Variants in MNAT1 observed in about 807,000 individuals in gnomAD.
MNAT1 encodes the protein CDK-activating kinase assembly factor MAT1.
MNAT1 carries 43 observed loss-of-function variants against 42.0 expected under a neutral mutation model. The ratio of observed to expected loss-of-function variants is 1.02; its 90% CI spans 0.80 to 1.32. The LOEUF (loss-of-function observed/expected upper bound fraction) is 1.32. MNAT1 is among the 40% of genes most tolerant of loss of function. The pLI, the probability that MNAT1 is intolerant of heterozygous loss-of-function variation, is 0.00. For synonymous variants in MNAT1, 118 were observed against 120.0 expected, an observed-to-expected ratio of 0.98 and a Z score of 0.11; for missense variants, 306 against 350.4, an observed-to-expected ratio of 0.87 and a Z score of 1.01.
chr14:60,829,966 G>A (rs2033168515), intron 6 of MNAT1, among the ~76,000 whole-genome samples: 1 of 152,154 alleles, frequency 6.6e-6, no homozygotes, highest in Admixed American at 6.5e-5. Context: ...TGTTGGTGTT[G>A]CGGATATAGT....
intron 6 of MNAT1, among the ~76,000 whole-genome samples, chr14:60,843,344 C>T (rs1298199444): frequency 6.6e-6 from 1 of 152,082 alleles, no homozygotes; most frequent in Non-Finnish European, 1.5e-5. Flanking sequence ...GACCTCAGCT[C>T]ACTGCAAGCT....
chr14:60,749,145 A>G (rs2029961174), intron 1 of MNAT1, among the ~76,000 whole-genome samples: 1 of 152,208 alleles, frequency 6.6e-6, no homozygotes, highest in Non-Finnish European at 1.5e-5. Flanking sequence ...TGAATTTTGG[A>G]GGAAATCTAT....
intron 6 of MNAT1, among the ~76,000 whole-genome samples, chr14:60,849,605 G>GTAAA (rs1315816468): frequency 1.3e-5 from 2 of 152,254 alleles, no homozygotes; most frequent in Admixed American, 1.3e-4. Flanking sequence ...GAACTTGCAT[G>GTAAA]TAAATATGCA....
chr14:60,778,089 C>T (rs1246382009), intron 1 of MNAT1, among the ~76,000 whole-genome samples: 5 of 152,118 alleles, frequency 3.3e-5, no homozygotes, highest in African/African-American at 1.2e-4. Flanking sequence ...CTATTCAGCC[C>T]AGTTACTACT....
chr14:60,831,034 G>A (rs1469237136), intron 6 of MNAT1, among the ~76,000 whole-genome samples: 3 of 151,064 alleles, frequency 2.0e-5, no homozygotes, highest in Admixed American at 2.0e-4. Flanking sequence ...AGAGTGTCTG[G>A]CATCTTCTCC....
intron 7 of MNAT1, among the ~76,000 whole-genome samples, chr14:60,937,771 T>G (rs201896752): frequency 0.22 from 33,779 of 151,630 alleles, 4,048 homozygotes; most frequent in Middle Eastern, 0.31. Context: ...GTGAAGAAAG[T>G]CATTGGTAGC....
intron 7 of MNAT1, among the ~76,000 whole-genome samples, chr14:60,949,188 A>G (rs543261845): frequency 5.4e-4 from 83 of 152,320 alleles, no homozygotes; most frequent in African/African-American, 1.9e-3. Context: ...GGAACAAAAT[A>G]TATCAAGAAT....
intron 1 of MNAT1, among the ~76,000 whole-genome samples, chr14:60,779,241 A>T (rs2031359135): frequency 6.6e-6 from 1 of 152,236 alleles, no homozygotes; most frequent in South Asian, 2.1e-4. Context: ...CATTATTTTA[A>T]TAAATGTACA....
At chr14:60,830,882 C>A (rs1043195690) in intron 6 of MNAT1, among the ~76,000 whole-genome samples, 1 of 151,486 alleles carries the variant, frequency 6.6e-6, no homozygotes, top group Non-Finnish European at 1.5e-5. Flanking sequence ...AGTTTGAAAA[C>A]CAAGGATTAC....
chr14:60,766,003 T>A (rs1267227124), intron 1 of MNAT1, among the ~76,000 whole-genome samples: 1 of 152,186 alleles, frequency 6.6e-6, no homozygotes, highest in Admixed American at 6.5e-5. Context: ...AATTTCTCTT[T>A]TAAGTGATTT....
intron 7 of MNAT1, among the ~76,000 whole-genome samples, chr14:60,900,231 G>T (rs1408492709): frequency 1.3e-5 from 2 of 152,176 alleles, no homozygotes; most frequent in Non-Finnish European, 2.9e-5. Flanking sequence ...TAAGCTTAGT[G>T]AGCAAGATAT....
chr14:60,839,679 G>A (rs1403686966), intron 6 of MNAT1, among the ~76,000 whole-genome samples: 1 of 152,216 alleles, frequency 6.6e-6, no homozygotes, highest in East Asian at 1.9e-4. Flanking sequence ...GGGCTCTGTG[G>A]TTTCTGTTAT....
At chr14:60,753,911 C>T (rs1178909254) in intron 1 of MNAT1, 1 of 152,136 alleles carries the variant, frequency 6.6e-6, no homozygotes, top group Non-Finnish European at 1.5e-5. Context: ...AAGGCTAGGT[C>T]TTTAACAAAG....
chr14:60,847,248 C>G (rs2139411029), intron 6 of MNAT1, among the ~76,000 whole-genome samples: 1 of 151,994 alleles, frequency 6.6e-6, no homozygotes, highest in South Asian at 2.1e-4. Flanking sequence ...ACTAAAAATA[C>G]AAAAAATTAG....
intron 3 of MNAT1, among the ~76,000 whole-genome samples, chr14:60,807,637 C>T (rs1470145389): frequency 6.6e-6 from 1 of 151,884 alleles, no homozygotes; most frequent in African/African-American, 2.4e-5. Flanking sequence ...GGGAATATGG[C>T]ATTCATAATT....
chr14:60,764,653 C>T (rs554924314), intron 1 of MNAT1, among the ~76,000 whole-genome samples: 1 of 152,312 alleles, frequency 6.6e-6, no homozygotes, highest in East Asian at 1.9e-4. Flanking sequence ...AGATAATTCT[C>T]ACATTCTGGA....
intron 1 of MNAT1, among the ~76,000 whole-genome samples, chr14:60,751,016 A>G (rs2030068294): frequency 6.6e-6 from 1 of 152,144 alleles, no homozygotes; most frequent in Non-Finnish European, 1.5e-5. Flanking sequence ...ATTGATAGGA[A>G]GTTGACATAC....
At position 60,959,330 on chromosome 14, in the gene MNAT1, G is replaced by T. The variant is rs1368673749; in HGVS notation, c.810-8899G>T. On this transcript the variant is annotated intron_variant, in intron 7 of 7. Transcript: ENST00000261245. ...GAAGGCTGCTGGAATCCTGTGCAGA[G>T]CAGGCCACTAAGGATAATAATGATT... 1.3e-5 allele frequency among the ~76,000 whole-genome samples: 2 copies of T among 152,208 alleles called. 1 individual carries two copies. The highest frequency in any genetic ancestry group is 3.9e-4 in the East Asian group (2 of 5,192).
At chr14:60,871,904 T>G (rs1190180369) in intron 6 of MNAT1, among the ~76,000 whole-genome samples, 1 of 152,232 alleles carries the variant, frequency 6.6e-6, no homozygotes, top group Non-Finnish European at 1.5e-5. Context: ...ATTACAGGCT[T>G]GAGCCACTGC....
Sources: gnomAD v4.1 joint callset for allele counts (sites outside exome capture counted in the v4.1 genomes callset) on GRCh38, gnomAD v4.1.1 for gene constraint, MANE v1.5 for transcripts, NCBI Gene and HGNC (gene_info 2026-07-23, HGNC 2026-07-21) for gene names.